Variants in HIF1A observed in about 807,000 individuals in gnomAD.
HIF1A encodes the protein hypoxia-inducible factor 1-alpha.
HIF1A carries 24 observed loss-of-function variants against 92.7 expected under a neutral mutation model. That is an observed-to-expected ratio of 0.26 (90% CI 0.19 to 0.36). HIF1A has a LOEUF of 0.36. Among genes scored for constraint, HIF1A ranks in the 10% least tolerant of loss-of-function variants. The probability of loss-of-function intolerance (pLI) is 1.00; values close to 1 mark genes in which losing one functional copy is unlikely to be tolerated. For missense variants in HIF1A, 799 were observed against 998.5 expected, an observed-to-expected ratio of 0.80 and a Z score of 2.69; for synonymous variants, 319 against 338.7, an observed-to-expected ratio of 0.94 and a Z score of 0.64.
intron 12 of HIF1A, among the ~76,000 whole-genome samples, chr14:61,742,644 G>T (rs931716515): frequency 6.6e-6 from 1 of 151,994 alleles, no homozygotes; most frequent in Non-Finnish European, 1.5e-5. Context: ...TCAGCACTTT[G>T]GGAGGCTGAA....
At chr14:61,721,908 G>A in intron 4 of HIF1A, 85 bp downstream of exon 4, 2 of 905,714 alleles carry the variant, frequency 2.2e-6, no homozygotes, top group African/African-American at 1.7e-5. Flanking sequence ...CTTTGCTATT[G>A]TACTTACCCA....
At chr14:61,746,283 T>C (rs2044786021) in intron 14 of HIF1A, among the ~76,000 whole-genome samples, 1 of 151,352 alleles carries the variant, frequency 6.6e-6, no homozygotes. Flanking sequence ...AATACAGAGA[T>C]TAACATTTCA....
At chr14:61,717,272 T>C (rs2044374182) in intron 1 of HIF1A, among the ~76,000 whole-genome samples, 1 of 152,162 alleles carries the variant, frequency 6.6e-6, no homozygotes, top group South Asian at 2.1e-4. Context: ...AGCCGGGCAG[T>C]TTAAATGCTG....
At chr14:61,735,161 C>T (rs988855956) in intron 8 of HIF1A, among the ~76,000 whole-genome samples, 2 of 152,212 alleles carry the variant, frequency 1.3e-5, no homozygotes, top group Admixed American at 6.5e-5. Flanking sequence ...ATGTCATCAT[C>T]TTATTTTCCT....
intron 9 of HIF1A, 145 bp from the exon 10 acceptor site, chr14:61,737,942 G>C: frequency 1.7e-6 from 1 of 580,964 alleles, no homozygotes. Flanking sequence ...CAGGGGAATT[G>C]CTTGAACCTG....
chr14:61,708,912 T>G (rs1357005143), intron 1 of HIF1A, among the ~76,000 whole-genome samples: 3 of 152,216 alleles, frequency 2.0e-5, no homozygotes, highest in Non-Finnish European at 1.5e-5. Context: ...ACTTCTTTTT[T>G]TTGAAATGGA....
At chr14:61,727,087 G>C (rs2044515077) in intron 5 of HIF1A, among the ~76,000 whole-genome samples, 1 of 152,176 alleles carries the variant, frequency 6.6e-6, no homozygotes, top group Admixed American at 6.6e-5. Flanking sequence ...CACAATATTT[G>C]AATCCTGATA....
chr14:61,741,812 A>C (rs1000117098), intron 12 of HIF1A, among the ~76,000 whole-genome samples: 4 of 152,206 alleles, frequency 2.6e-5, no homozygotes, highest in Non-Finnish European at 5.9e-5. Context: ...TGTTTAAATC[A>C]GACTAGTTAA....
At chr14:61,716,608 T>A (rs1224642378) in intron 1 of HIF1A, among the ~76,000 whole-genome samples, 1 of 152,194 alleles carries the variant, frequency 6.6e-6, no homozygotes, top group Non-Finnish European at 1.5e-5. Flanking sequence ...TATTTTTTTT[T>A]AATTTTTACT....
At chr14:61,705,210 C>A (rs1015591700) in intron 1 of HIF1A, among the ~76,000 whole-genome samples, 1 of 152,036 alleles carries the variant, frequency 6.6e-6, no homozygotes, top group Admixed American at 6.6e-5. Flanking sequence ...AAAAATGTAA[C>A]CTTGTTCCTT....
At position 61,697,527 on chromosome 14, in the gene HIF1A, AAACG is replaced by A. The variant is rs377262521; in HGVS notation, c.35+1691_35+1694del. The A allele has an allele frequency of 8.7e-4, 189 of 216,532 alleles. 4 individuals carry two copies. The East Asian group carries it at 0.026, about 30-fold the overall frequency. The allele number at this position is 216,532 out of a possible 1,614,324, so 13.4% of individuals were successfully genotyped here. A position where few individuals can be genotyped will look rare whatever the true frequency, so the allele number is the denominator to read the frequency against. ...GTTCAGAATATCAGAAGCAGTTTTG[AAACG>A]AATTAATAAATTAGCTACTGTTCAT... On this transcript the variant is annotated intron_variant, in intron 1 of 14. Transcript: ENST00000337138.
At chr14:61,737,160 C>A in intron 9 of HIF1A, 51 bp downstream of exon 9, 3 of 1,231,632 alleles carry the variant, frequency 2.4e-6, no homozygotes, top group Non-Finnish European at 3.6e-6. Context: ...TGCTACAAGC[C>A]CCATTTCAAC....
At chr14:61,720,340 A>G (rs945218846) in intron 1 of HIF1A, 42 bp from the exon 2 acceptor site, 4 of 1,476,226 alleles carry the variant, frequency 2.7e-6, no homozygotes, top group South Asian at 1.3e-5. Flanking sequence ...ACTAACTTGT[A>G]TACACTTTCC....
intron 1 of HIF1A, among the ~76,000 whole-genome samples, chr14:61,700,542 C>T (rs2140116578): frequency 6.6e-6 from 1 of 152,318 alleles, no homozygotes; most frequent in Admixed American, 6.5e-5. Flanking sequence ...TTTCTCCATT[C>T]ATCCAGCAAC....
rs112012651 is a variant in HIF1A at position 61,712,025 on chromosome 14, G to A, written c.36-8357G>A. On this transcript the variant is annotated intron_variant, in intron 1 of 14. Transcript: ENST00000337138. Reference sequence around the variant, plus strand: ...ATAGACAAAAGTCTCCGCCTCTATGGAACTTACTTTCCAGTGAAGGTGTGG... The same window carrying A: ...ATAGACAAAAGTCTCCGCCTCTATGAAACTTACTTTCCAGTGAAGGTGTGG... Among the ~76,000 whole-genome samples, 489 of 152,238 alleles carry A rather than the reference G, an allele frequency of 3.2e-3. 5 individuals carry two copies. Among genetic ancestry groups the A allele is most frequent in the African/African-American group, 0.011 (459 of 41,542 alleles).
At chr14:61,725,358 T>C (rs540944515) in intron 4 of HIF1A, among the ~76,000 whole-genome samples, 13 of 152,328 alleles carry the variant, frequency 8.5e-5, no homozygotes, top group African/African-American at 3.1e-4. Flanking sequence ...TTTTTATATG[T>C]GTTCTGAAGC....
intron 1 of HIF1A, among the ~76,000 whole-genome samples, chr14:61,719,379 T>A (rs1002105806): frequency 6.6e-6 from 1 of 152,188 alleles, no homozygotes; most frequent in African/African-American, 2.4e-5. Context: ...ACACCTGGGT[T>A]CAAATCCTAT....
chr14:61,723,943 T>C (rs2044466138), intron 4 of HIF1A, among the ~76,000 whole-genome samples: 1 of 152,224 alleles, frequency 6.6e-6, no homozygotes, highest in African/African-American at 2.4e-5. Flanking sequence ...TCAGGGACTA[T>C]TGCAAAGCAT....
intron 6 of HIF1A, among the ~76,000 whole-genome samples, chr14:61,731,939 C>T (rs1351068071): frequency 6.6e-6 from 1 of 152,144 alleles, no homozygotes; most frequent in Non-Finnish European, 1.5e-5. Context: ...GAGTTCAAGA[C>T]GAGCCTGACC....
Sources: gnomAD v4.1 joint callset for allele counts (sites outside exome capture counted in the v4.1 genomes callset) on GRCh38, gnomAD v4.1.1 for gene constraint, MANE v1.5 for transcripts, NCBI Gene and HGNC (gene_info 2026-07-23, HGNC 2026-07-21) for gene names.